The following FIGN variants were observed in gnomAD, a reference collection of about 807,000 sequenced individuals.
FIGN encodes the protein fidgetin.
In FIGN, 11 loss-of-function variants were observed where a neutral mutation model predicts 51.3. The observed-to-expected ratio is 0.21, with a 90% confidence interval of 0.13 to 0.35. The LOEUF (loss-of-function observed/expected upper bound fraction) is 0.35. FIGN is among the 10% of genes least tolerant of loss of function. The pLI, the probability that FIGN is intolerant of heterozygous loss-of-function variation, is 1.00. For missense variants in FIGN, 857 were observed against 943.6 expected, an observed-to-expected ratio of 0.91 and a Z score of 1.20; for synonymous variants, 407 against 363.2, an observed-to-expected ratio of 1.12 and a Z score of -1.37.
intron 2 of FIGN, among the ~76,000 whole-genome samples, chr2:163,616,913 C>A (rs964545537): frequency 2.0e-5 from 3 of 152,066 alleles, no homozygotes; most frequent in African/African-American, 4.8e-5. Flanking sequence ...AAATACAGGT[C>A]TATGCAGTGA....
rs1691161501 is a variant in FIGN at position 163,608,541 on chromosome 2, C to T, written c.*1011G>A. On this transcript the variant is annotated 3_prime_UTR_variant, in exon 3 of 3. Transcript: ENST00000333129. The stretch of plus-strand genomic sequence containing the variant: ...AGGTCTTGTGGCTGACAGGTCTAGA[C>T]ACTAACACAAACTGAATAAGTAGCT... The T allele has an allele frequency of 1.3e-5, 2 of 152,372 alleles. No homozygotes were observed. Among genetic ancestry groups the T allele is most frequent in the African/African-American group, 4.8e-5 (2 of 41,416 alleles). 9.4% of individuals were successfully genotyped at this position (152,372 alleles called of 1,614,324 possible).
chr2:163,726,328 C>T (rs565512933), intron 2 of FIGN, among the ~76,000 whole-genome samples: 138 of 152,064 alleles, frequency 9.1e-4, no homozygotes, highest in Admixed American at 2.8e-3. Context: ...TAGGATACCA[C>T]GATAAGGGCA....
intron 2 of FIGN, among the ~76,000 whole-genome samples, chr2:163,668,444 A>G (rs541775865): frequency 6.6e-6 from 1 of 152,334 alleles, no homozygotes; most frequent in South Asian, 2.1e-4. Context: ...CTCAAATAAG[A>G]TAAAATATTC....
chr2:163,620,968 A>G (rs546663148), intron 2 of FIGN, among the ~76,000 whole-genome samples: 2 of 151,876 alleles, frequency 1.3e-5, no homozygotes, highest in South Asian at 4.1e-4. Flanking sequence ...CCAAGCTGAA[A>G]ACGGTCAATA....
At chr2:163,700,353 G>C (rs1301386058) in intron 2 of FIGN, among the ~76,000 whole-genome samples, 2 of 152,216 alleles carry the variant, frequency 1.3e-5, no homozygotes, top group South Asian at 2.1e-4. Context: ...TGAATAATGA[G>C]GTCTTTGAGC....
chr2:163,657,115 G>GA (rs774955287), intron 2 of FIGN, among the ~76,000 whole-genome samples: 18,416 of 90,784 alleles, frequency 0.2, 1,501 homozygotes, highest in East Asian at 0.39. Flanking sequence ...TCCTCCAAGA[G>GA]AAAAAAAAAA....
intron 2 of FIGN, among the ~76,000 whole-genome samples, chr2:163,616,306 C>T (rs1682876861): frequency 6.6e-6 from 1 of 152,070 alleles, no homozygotes; most frequent in African/African-American, 2.4e-5. Context: ...GGTATAAAAG[C>T]AACTTTCAAA....
At chr2:163,643,649 TCA>T in intron 2 of FIGN, among the ~76,000 whole-genome samples, 1 of 130,570 alleles carries the variant, frequency 7.7e-6, no homozygotes, top group African/African-American at 3.1e-5. Flanking sequence ...AGACTCAGTC[TCA>T]AAAAAAAAAA....
chr2:163,692,962 G>T (rs1004539812), intron 2 of FIGN, among the ~76,000 whole-genome samples: 4 of 152,208 alleles, frequency 2.6e-5, no homozygotes. Flanking sequence ...TAAAAGAACT[G>T]CAGGTCTAAA....
chr2:163,715,686 A>C (rs994368670), intron 2 of FIGN, among the ~76,000 whole-genome samples: 6 of 152,226 alleles, frequency 3.9e-5, no homozygotes, highest in African/African-American at 1.4e-4. Context: ...TTCCTTTTAT[A>C]CAAGTTGATA....
chr2:163,732,534 T>C (rs1684947277), intron 2 of FIGN, among the ~76,000 whole-genome samples: 1 of 152,210 alleles, frequency 6.6e-6, no homozygotes, highest in African/African-American at 2.4e-5. Context: ...GTCCATTCCA[T>C]GTGCACCAAG....
rs1184746403 is a variant in FIGN at position 163,602,665 on chromosome 2, C to A, written c.*6887G>T. 2 of 151,882 alleles carry A rather than the reference C, an allele frequency of 1.3e-5. No individual in the cohort carries two copies. Among genetic ancestry groups the A allele is most frequent in the African/African-American group, 2.4e-5 (1 of 41,366 alleles). The allele number at this position is 151,882 out of a possible 1,614,324, so 9.4% of individuals were successfully genotyped here. On this transcript the variant is annotated 3_prime_UTR_variant, in exon 3 of 3. Coordinates refer to ENST00000333129, the MANE Select transcript of FIGN (RefSeq NM_018086.4). ...GAGGTATGCTTGTTCTTTTCTTATT[C>A]CATGATAGTAGCATAGCCATATACA...
At chr2:163,672,646 C>T (rs1418842644) in intron 2 of FIGN, among the ~76,000 whole-genome samples, 1 of 152,080 alleles carries the variant, frequency 6.6e-6, no homozygotes, top group Non-Finnish European at 1.5e-5. Flanking sequence ...CGATTCCATG[C>T]TTCAATTCCA....
rs779948328 is a variant in FIGN at position 163,610,737 on chromosome 2, A to T, written c.1095T>A (p.Phe365Leu). 5 of 1,614,178 alleles carry T rather than the reference A, an allele frequency of 3.1e-6. No homozygotes were observed. The highest frequency in any genetic ancestry group is 4.2e-6 in the Non-Finnish European group (5 of 1,180,008). The change falls in exon 3 of 3, where the codon TTT becomes TTA. Residue 365 changes from phenylalanine (F) to leucine (L), a missense_variant. Around this residue, in one of 3 missense-constraint regions of FIGN, gnomAD observed 799 missense variants for 849.5 expected, o/e 0.94. Transcript: ENST00000333129. ...AGGATGATGTTTCAGCACTTCTGTC[A>T]AAGCCATTCCCCCGATTTGTGTTTG... The part of the protein sequence containing the change: ...SISNTNRGNG[F>L]DRSAETSSLA...
chr2:163,683,862 G>A (rs1489424382), intron 2 of FIGN, among the ~76,000 whole-genome samples: 1 of 152,120 alleles, frequency 6.6e-6, no homozygotes, highest in African/African-American at 2.4e-5. Context: ...TGCTTTTATG[G>A]TCTAGCTAAT....
chr2:163,684,461 T>C (rs1272143554), intron 2 of FIGN, among the ~76,000 whole-genome samples: 1 of 152,230 alleles, frequency 6.6e-6, no homozygotes, highest in Non-Finnish European at 1.5e-5. Flanking sequence ...TATTCCTGGA[T>C]GAGGAAATGG....
At chr2:163,718,051 A>C (rs2105360936) in intron 2 of FIGN, among the ~76,000 whole-genome samples, 1 of 151,500 alleles carries the variant, frequency 6.6e-6, no homozygotes. Context: ...CATGTTGGAA[A>C]GTACAGGGGG....
chr2:163,650,925 C>T (rs1255004124), intron 2 of FIGN, among the ~76,000 whole-genome samples: 1 of 152,094 alleles, frequency 6.6e-6, no homozygotes, highest in Non-Finnish European at 1.5e-5. Context: ...TTACTGAATT[C>T]CCTGCAATAT....
chr2:163,677,113 T>A (rs2105336805), intron 2 of FIGN, among the ~76,000 whole-genome samples: 1 of 152,340 alleles, frequency 6.6e-6, no homozygotes, highest in Non-Finnish European at 1.5e-5. Context: ...TCAAGAAGGA[T>A]GTGAACCATC....
Sources: allele counts gnomAD v4.1 joint callset (sites outside exome capture counted in the v4.1 genomes callset), GRCh38; gene constraint gnomAD v4.1.1; regional missense constraint gnomAD v4.1.1; transcripts MANE v1.5; gene names NCBI Gene and HGNC (gene_info 2026-07-23, HGNC 2026-07-21).